Variants in PTPRZ1 observed in about 807,000 individuals in gnomAD.
PTPRZ1 encodes the protein protein tyrosine phosphatase receptor type Z1, also known as receptor-type tyrosine-protein phosphatase zeta.
PTPRZ1 carries 82 observed loss-of-function variants against 214.1 expected under a neutral mutation model. The ratio of observed to expected loss-of-function variants is 0.38; its 90% confidence interval spans 0.32 to 0.46. The LOEUF is 0.46. Among genes scored for constraint, PTPRZ1 ranks in the 20% least tolerant of loss-of-function variants. The probability of loss-of-function intolerance (pLI) is 1.00; values close to 1 mark genes in which losing one functional copy is unlikely to be tolerated. For synonymous variants in PTPRZ1, 945 were observed against 987.9 expected (o/e 0.96, Z 0.81); for missense variants, 2,603 against 2,748.7 (o/e 0.95, Z 1.19).
chr7:122,027,276 G>C (rs1025083374), intron 13 of PTPRZ1, among the ~76,000 whole-genome samples: 1 of 152,172 alleles, frequency 6.6e-6, no homozygotes, highest in Non-Finnish European at 1.5e-5. Flanking sequence ...ACCAGTGTGG[G>C]CTGGATCCTG....
chr7:122,038,878 G>C lies in PTPRZ1; in HGVS notation c.5491G>C (p.Glu1831Gln), dbSNP rs767723175. 12 of 1,613,728 alleles carry C rather than the reference G, an allele frequency of 7.4e-6. No homozygotes were observed. Among genetic ancestry groups the C allele is most frequent in the Non-Finnish European group, 1.0e-5 (12 of 1,179,866 alleles). The change falls in exon 19 of 30, where the codon GAG becomes CAG. Residue 1831 changes from glutamate (E) to glutamine (Q), a missense_variant. By Grantham distance (29) the Glu-to-Gln change is conservative. Around this residue, in one of 6 missense-constraint regions of PTPRZ1, gnomAD observed 1,913 missense variants for 1,914.3 expected, o/e 1.00. Transcript: ENST00000393386. ...TATTGTCATGATAACAAACCTCGTGGAGAAAGGAAGGGTATGTAGATAATC... is the reference window on the plus strand; with the variant it reads ...TATTGTCATGATAACAAACCTCGTGCAGAAAGGAAGGGTATGTAGATAATC... ...EVIVMITNLV[E>Q]KGRRKCDQYW...
intron 6 of PTPRZ1, among the ~76,000 whole-genome samples, chr7:121,981,759 C>A (rs185773408): frequency 3.8e-4 from 57 of 151,572 alleles, no homozygotes; most frequent in African/African-American, 1.3e-3. Flanking sequence ...TAAGAATAAA[C>A]CCATATTTAT....
At chr7:121,887,177 GT>G (rs1794422621) in intron 1 of PTPRZ1, among the ~76,000 whole-genome samples, 1 of 152,098 alleles carries the variant, frequency 6.6e-6, no homozygotes, top group Non-Finnish European at 1.5e-5. Context: ...AAGGAGTCTG[GT>G]CTCCTCATGG....
chr7:122,012,098 ATT>A lies in PTPRZ1; in HGVS notation c.3054_3055del (p.Ser1019PhefsTer7), dbSNP rs761291332. 6.2e-7 allele frequency: 1 copy of A among 1,614,008 alleles called. No individual in the cohort carries two copies. Among genetic ancestry groups the A allele is most frequent in the Non-Finnish European group, 8.5e-7 (1 of 1,179,898 alleles). ...CACAGATGGGCTGACAGCCCTTAAC[ATT>A]TCTTCACCTGTTTCTGTAGCTGAAT... ...PDTDGLTALN[I>X]SSPVSVAEFT... is the part of the protein sequence containing the mutation. On this transcript the variant is annotated frameshift_variant, in exon 12 of 30. Transcript: ENST00000393386. LOFTEE classifies it high-confidence loss of function.
chr7:121,963,119 T>TA (rs1796931103), intron 2 of PTPRZ1, among the ~76,000 whole-genome samples: 1 of 152,220 alleles, frequency 6.6e-6, no homozygotes, highest in South Asian at 2.1e-4. Context: ...AGGTACTAAG[T>TA]ACTATTGTTG....
At chr7:121,927,267 C>A (rs1287737680) in intron 1 of PTPRZ1, among the ~76,000 whole-genome samples, 1 of 152,186 alleles carries the variant, frequency 6.6e-6, no homozygotes, top group African/African-American at 2.4e-5. Context: ...GGTTCCAAAC[C>A]TATCCTGCAA....
intron 1 of PTPRZ1, among the ~76,000 whole-genome samples, chr7:121,903,094 G>A (rs1795017387): frequency 6.6e-6 from 1 of 152,122 alleles, no homozygotes; most frequent in Non-Finnish European, 1.5e-5. Flanking sequence ...ATATAGAGGA[G>A]AACAAGACTG....
intron 2 of PTPRZ1, among the ~76,000 whole-genome samples, chr7:121,936,113 T>C (rs1303362294): frequency 6.6e-6 from 1 of 152,244 alleles, no homozygotes; most frequent in Non-Finnish European, 1.5e-5. Flanking sequence ...GTGGAAGGCT[T>C]ATTTAGTTTC....
chr7:121,894,358 C>T (rs1037390180), intron 1 of PTPRZ1, among the ~76,000 whole-genome samples: 4 of 152,086 alleles, frequency 2.6e-5, no homozygotes, highest in African/African-American at 7.2e-5. Flanking sequence ...ATTATTGTTT[C>T]CATTTCTTTT....
intron 4 of PTPRZ1, 97 bp downstream of exon 4, chr7:121,972,789 A>C: frequency 9.8e-7 from 1 of 1,022,960 alleles, no homozygotes; most frequent in East Asian, 2.9e-5. Flanking sequence ...CCAATATTAA[A>C]ATTTATAAAG....
intron 27 of PTPRZ1, among the ~76,000 whole-genome samples, chr7:122,056,305 C>T (rs548518685): frequency 6.6e-6 from 1 of 151,756 alleles, no homozygotes; most frequent in African/African-American, 2.4e-5. Flanking sequence ...TGTTTTTCTC[C>T]TAGTATTATT....
At chr7:121,924,150 T>C (rs1795683508) in intron 1 of PTPRZ1, among the ~76,000 whole-genome samples, 1 of 152,054 alleles carries the variant, frequency 6.6e-6, no homozygotes, top group Admixed American at 6.6e-5. Flanking sequence ...TTGTCAAAGA[T>C]TTTAAATGGA....
At chr7:121,968,248 G>A in intron 3 of PTPRZ1, 118 bp downstream of exon 3, 1 of 835,334 alleles carries the variant, frequency 1.2e-6, no homozygotes, top group East Asian at 3.1e-5. Context: ...GAAGTTACAT[G>A]TAGAAGAAAC....
intron 2 of PTPRZ1, among the ~76,000 whole-genome samples, chr7:121,932,420 TC>T (rs1289039320): frequency 7.2e-5 from 11 of 152,206 alleles, no homozygotes; most frequent in Non-Finnish European, 2.9e-5. Context: ...GTTAGTCTTA[TC>T]ATTCTTAAAT....
chr7:121,926,796 T>C (rs1320333989), intron 1 of PTPRZ1, among the ~76,000 whole-genome samples: 4 of 152,230 alleles, frequency 2.6e-5, no homozygotes, highest in African/African-American at 9.6e-5. Flanking sequence ...AATTGTGTGA[T>C]ACGTAGATTA....
chr7:121,916,098 AC>A (rs1371001731), intron 1 of PTPRZ1, among the ~76,000 whole-genome samples: 1 of 151,378 alleles, frequency 6.6e-6, no homozygotes, highest in Non-Finnish European at 1.5e-5. Context: ...ACATGGTAAA[AC>A]CCCGTCTCTA....
intron 1 of PTPRZ1, among the ~76,000 whole-genome samples, chr7:121,879,161 A>G (rs542006405): frequency 6.6e-6 from 1 of 152,350 alleles, no homozygotes; most frequent in Admixed American, 6.5e-5. Flanking sequence ...TGCATGGAAA[A>G]TAAAGTTCCT....
intron 8 of PTPRZ1, among the ~76,000 whole-genome samples, chr7:121,986,261 C>A (rs980485911): frequency 2.0e-5 from 3 of 152,168 alleles, no homozygotes; most frequent in Non-Finnish European, 4.4e-5. Flanking sequence ...GTTTGGGAAG[C>A]TGATATTAAA....
At chr7:121,983,125 A>AT (rs1004735764) in intron 6 of PTPRZ1, among the ~76,000 whole-genome samples, 3 of 152,032 alleles carry the variant, frequency 2.0e-5, no homozygotes, top group African/African-American at 7.3e-5. Context: ...TGATGGTATT[A>AT]TTTTTTCCTA....
Sources: gnomAD v4.1 joint callset for allele counts (sites outside exome capture counted in the v4.1 genomes callset) on GRCh38, gnomAD v4.1.1 for gene constraint, gnomAD v4.1.1 regional missense constraint, MANE v1.5 for transcripts, NCBI Gene and HGNC (gene_info 2026-07-23, HGNC 2026-07-21) for gene names.